Variants in ZBTB17 observed in about 807,000 individuals in gnomAD.
ZBTB17 encodes zinc finger and BTB domain-containing protein 17.
In ZBTB17, 24 loss-of-function variants were observed where a neutral mutation model predicts 85.1. The ratio of observed to expected loss-of-function variants is 0.28; its 90% CI spans 0.20 to 0.40. The LOEUF is 0.40. Ranked by LOEUF, ZBTB17 falls within the 10% of genes least tolerant of loss-of-function variation. The pLI is 1.00. For synonymous variants in ZBTB17, 464 were observed against 460.2 expected (o/e 1.01, Z -0.11); for missense variants, 743 against 1,105.1 (o/e 0.67, Z 4.65).
At chr1:15,944,190 G>C (rs1164301723) in intron 9 of ZBTB17, 110 bp downstream of exon 9, 17 of 1,429,288 alleles carry the variant, frequency 1.2e-5, no homozygotes, top group Non-Finnish European at 1.5e-5. Flanking sequence ...ACAAGCTGAT[G>C]AGCTCCTGGA....
chr1:15,960,481 G>A (rs977853420), intron 2 of ZBTB17, among the ~76,000 whole-genome samples: 9 of 152,072 alleles, frequency 5.9e-5, no homozygotes, highest in African/African-American at 1.2e-4. Context: ...TTCTGAAAAC[G>A]GATGTAAAAA....
chr1:15,960,713 C>T (rs939751435), intron 2 of ZBTB17, among the ~76,000 whole-genome samples: 7 of 152,168 alleles, frequency 4.6e-5, no homozygotes, highest in Admixed American at 6.5e-5. Flanking sequence ...AAGGAAGGGC[C>T]GGATGGCCCA....
At chr1:15,974,333 CCTTTTTTTTTTTTTTT>C (rs995499180) in intron 1 of ZBTB17, among the ~76,000 whole-genome samples, 2 of 147,234 alleles carry the variant, frequency 1.4e-5, no homozygotes, top group African/African-American at 5.0e-5. Context: ...TTTTTTTTTT[CCTTTTTTTTTTTTTTT>C]CTTTTAATAA....
At chr1:15,974,554 G>A (rs1324520698) in intron 1 of ZBTB17, among the ~76,000 whole-genome samples, 4 of 151,364 alleles carry the variant, frequency 2.6e-5, no homozygotes, top group Admixed American at 6.6e-5. Context: ...CCTAAGACCA[G>A]ACCACAGCTT....
At chr1:15,944,879 G>A (rs1425466863) in intron 7 of ZBTB17, 40 bp from the exon 8 acceptor site, 12 of 1,568,118 alleles carry the variant, frequency 7.7e-6, no homozygotes, top group Non-Finnish European at 8.6e-6. Flanking sequence ...AGGAGCAGCC[G>A]GTGGGAGGCC....
chr1:15,965,736 G>A (rs937315346), intron 2 of ZBTB17, among the ~76,000 whole-genome samples: 2 of 152,198 alleles, frequency 1.3e-5, no homozygotes, highest in African/African-American at 4.8e-5. Flanking sequence ...CTGTGAAAAT[G>A]AAATACCACT....
intron 2 of ZBTB17, among the ~76,000 whole-genome samples, chr1:15,962,182 CG>C (rs1406867049): frequency 6.6e-6 from 1 of 151,772 alleles, no homozygotes; most frequent in African/African-American, 2.4e-5. Flanking sequence ...TGCTCCAGCT[CG>C]GGTGACAGTG....
chr1:15,944,211 G>A lies in ZBTB17; in HGVS notation c.1371+89C>T, dbSNP rs1290879582. 4.0e-6 allele frequency: 6 copies of A among 1,509,304 alleles called. No individual in the cohort carries two copies. In the South Asian group the frequency reaches 4.8e-5, roughly 12 times the overall value. 93.5% of individuals were successfully genotyped at this position (1,509,304 alleles called of 1,614,324 possible). A position where few individuals can be genotyped will look rare whatever the true frequency, so the allele number is the denominator to read the frequency against. ...TGATGAGCTCCTGGAGGCCGGGGCTGTGCTCCCCGCCCGCCCCACCACGTG... is the reference window on the plus strand; with the variant it reads ...TGATGAGCTCCTGGAGGCCGGGGCTATGCTCCCCGCCCGCCCCACCACGTG... On this transcript the variant is annotated intron_variant, in intron 9 of 15. Transcript: ENST00000375743.
chr1:15,944,597 A>G lies in ZBTB17; in HGVS notation c.1074T>C (p.Pro358=), dbSNP rs2071510076. 2 of 1,599,288 alleles carry G rather than the reference A, an allele frequency of 1.3e-6. No homozygotes were observed. Among genetic ancestry groups the G allele is most frequent in the Non-Finnish European group, 1.7e-6 (2 of 1,179,498 alleles). ...ACTCCTCGCAGCCGTAGGGCTTCAG[A>G]GGGCTGCAGGGCCAGAAGGCGACAG... ...ACKAHEKTHS[P]LKPYGCEECG... Residue 358 remains proline, a synonymous_variant, in exon 9 of 16, where the codon CCT becomes CCC. Transcript: ENST00000375743.
intron 2 of ZBTB17, among the ~76,000 whole-genome samples, chr1:15,972,551 A>G (rs149261336): frequency 1.3e-5 from 2 of 152,346 alleles, no homozygotes; most frequent in East Asian, 3.9e-4. Context: ...TTTAAAAGGA[A>G]TGAGTGTGTG....
At chr1:15,943,756 C>G in intron 10 of ZBTB17, 41 bp from the exon 11 acceptor site, 10 of 1,612,636 alleles carry the variant, frequency 6.2e-6, no homozygotes, top group Non-Finnish European at 8.5e-6. Flanking sequence ...GGGGCACCAC[C>G]GGTGGCCGAG....
rs1405367045 is a variant in ZBTB17, at chr1:15,966,745, C to A, written c.-3+6294G>T. On this transcript the variant is annotated intron_variant, in intron 2 of 15. Coordinates refer to ENST00000375743, the MANE Select transcript of ZBTB17 (RefSeq NM_003443.3). This position sits in a 1 kb window ranked among gnomAD's most constrained non-coding sequence, Gnocchi z 4.1. The stretch of plus-strand genomic sequence containing the variant: ...CACACACGCAGCAAGGTTCAATGAG[C>A]CACAGTACTTACTCTCTGACCTCTA... 6.6e-6 allele frequency among the ~76,000 whole-genome samples: 1 copy of A among 151,996 alleles called. No individual in the cohort carries two copies. Among genetic ancestry groups the A allele is most frequent in the Non-Finnish European group, 1.5e-5 (1 of 68,018 alleles).
intron 2 of ZBTB17, among the ~76,000 whole-genome samples, chr1:15,950,774 C>T (rs1229417103): frequency 2.0e-5 from 3 of 152,122 alleles, no homozygotes; most frequent in East Asian, 1.9e-4. Flanking sequence ...TCTGACTTGC[C>T]GGGAAGAGAC....
intron 1 of ZBTB17, among the ~76,000 whole-genome samples, chr1:15,974,334 C>CTT (rs80079974): frequency 2.7e-3 from 382 of 139,540 alleles, no homozygotes; most frequent in African/African-American, 9.5e-3. Context: ...TTTTTTTTTC[C>CTT]TTTTTTTTTT....
At chr1:15,947,799 A>ATTTT (rs2071675004) in intron 3 of ZBTB17, among the ~76,000 whole-genome samples, 5 of 152,178 alleles carry the variant, frequency 3.3e-5, no homozygotes, top group African/African-American at 1.2e-4. Context: ...ATGGGAGAAT[A>ATTTT]ATACCTTCTC....
Position 15,951,789 on chromosome 1 carries a change from G to C in ZBTB17, c.-2-3292C>G, listed in dbSNP as rs1363782475. On this transcript the variant is annotated intron_variant, in intron 2 of 15. Coordinates refer to ENST00000375743, the MANE Select transcript of ZBTB17 (RefSeq NM_003443.3). This position sits in a 1 kb window ranked among gnomAD's most constrained non-coding sequence, Gnocchi z 4.1. ...CCAGGCTTGGAGGGACATAGGAAAAGGGTTTGGGAGCGAAGGGGTGTGCAG... is the reference window on the plus strand; with the variant it reads ...CCAGGCTTGGAGGGACATAGGAAAACGGTTTGGGAGCGAAGGGGTGTGCAG... Among the ~76,000 whole-genome samples the C allele has an allele frequency of 6.6e-6, 1 of 152,156 alleles. No homozygotes were observed. The highest frequency in any genetic ancestry group is 1.5e-5 in the Non-Finnish European group (1 of 68,022).
chr1:15,955,014 T>C (rs1441824800), intron 2 of ZBTB17, among the ~76,000 whole-genome samples: 1 of 151,912 alleles, frequency 6.6e-6, no homozygotes, highest in African/African-American at 2.4e-5. Context: ...ATTAGCTGGG[T>C]GTGGTGGTGC....
chr1:15,959,982 A>G (rs1177506298), intron 2 of ZBTB17, among the ~76,000 whole-genome samples: 1 of 152,208 alleles, frequency 6.6e-6, no homozygotes, highest in East Asian at 1.9e-4. Context: ...ATCACTCAGG[A>G]AAACAATATG....
At chr1:15,956,157 C>T (rs2072037417) in intron 2 of ZBTB17, among the ~76,000 whole-genome samples, 1 of 152,220 alleles carries the variant, frequency 6.6e-6, no homozygotes, top group Non-Finnish European at 1.5e-5. Flanking sequence ...TGATCATTCC[C>T]CAAGGCACAC....
Sources: gnomAD v4.1 joint callset for allele counts (sites outside exome capture counted in the v4.1 genomes callset) on GRCh38, gnomAD v4.1.1 for gene constraint, Gnocchi (gnomAD v3.1) non-coding constraint, MANE v1.5 for transcripts, NCBI Gene and HGNC (gene_info 2026-07-23, HGNC 2026-07-21) for gene names.